CDYL2: variants seen among roughly 807,000 people sequenced by gnomAD.
CDYL2 encodes the protein chromodomain Y-like protein 2.
Under a neutral mutation model 49.4 loss-of-function variants are expected in CDYL2, and 23 were observed. That is an observed-to-expected ratio of 0.47 (90% CI 0.34 to 0.66). CDYL2 has a LOEUF of 0.66. Among genes scored for constraint, CDYL2 ranks in the 30% least tolerant of loss-of-function variants. CDYL2 has a pLI of 0.01. For missense variants in CDYL2, 678 were observed against 656.4 expected, an observed-to-expected ratio of 1.03 and a Z score of -0.36; for synonymous variants, 360 against 268.8, an observed-to-expected ratio of 1.34 and a Z score of -3.32.
intron 2 of CDYL2, among the ~76,000 whole-genome samples, chr16:80,675,243 A>T (rs1250445121): frequency 6.6e-6 from 1 of 152,186 alleles, no homozygotes; most frequent in African/African-American, 2.4e-5. Context: ...CAACAGCTTC[A>T]GCATCCCCAG....
At chr16:80,664,845 T>C (rs1298594940) in intron 2 of CDYL2, among the ~76,000 whole-genome samples, 1 of 152,158 alleles carries the variant, frequency 6.6e-6, no homozygotes, top group Non-Finnish European at 1.5e-5. Context: ...GGAAGGGTAA[T>C]GACCCTCCCT....
intron 3 of CDYL2, among the ~76,000 whole-genome samples, chr16:80,626,737 A>G (rs1907321635): frequency 6.6e-6 from 1 of 152,234 alleles, no homozygotes; most frequent in Admixed American, 6.5e-5. Flanking sequence ...CTCCACAGGC[A>G]TCATCACGGT....
intron 1 of CDYL2, among the ~76,000 whole-genome samples, chr16:80,699,267 C>T (rs1329517890): frequency 6.6e-6 from 1 of 152,118 alleles, no homozygotes; most frequent in Non-Finnish European, 1.5e-5. Flanking sequence ...AAGTGTCCAT[C>T]AACAGATGAA....
At chr16:80,741,815 A>C (rs1426344264) in intron 1 of CDYL2, among the ~76,000 whole-genome samples, 3 of 152,222 alleles carry the variant, frequency 2.0e-5, no homozygotes, top group Non-Finnish European at 2.9e-5. Context: ...GGGCATTCTC[A>C]TACGGGGGAG....
intron 1 of CDYL2, among the ~76,000 whole-genome samples, chr16:80,723,067 C>T (rs1344339549): frequency 1.3e-5 from 2 of 152,230 alleles, no homozygotes; most frequent in East Asian, 3.9e-4. Flanking sequence ...CGGCAGGGCG[C>T]TTTCTACAGT....
intron 2 of CDYL2, among the ~76,000 whole-genome samples, chr16:80,674,679 T>C (rs914068476): frequency 3.9e-5 from 6 of 152,234 alleles, no homozygotes; most frequent in Admixed American, 1.3e-4. Flanking sequence ...GATTCACCTA[T>C]TCTGGACATT....
At chr16:80,682,913 C>T (rs766059426) in intron 2 of CDYL2, among the ~76,000 whole-genome samples, 1 of 152,140 alleles carries the variant, frequency 6.6e-6, no homozygotes, top group Non-Finnish European at 1.5e-5. Flanking sequence ...GAGACGGAAA[C>T]GTGAGTCAGT....
At position 80,604,471 on chromosome 16, in the gene CDYL2, G is replaced by A; in HGVS notation, c.1438C>T (p.Leu480Phe). 1 of 1,614,162 alleles carries A rather than the reference G, an allele frequency of 6.2e-7. No homozygotes were observed. The highest frequency in any genetic ancestry group is 8.5e-7 in the Non-Finnish European group (1 of 1,180,026). Residue 480 changes from leucine to phenylalanine, a missense_variant, in exon 7 of 7, where the codon CTC (leucine) becomes TTC (phenylalanine). Transcript: ENST00000570137. ...GAGCTCCAGAGCTGCTTGAGCATGA[G>A]GCATTCCTTCTCGTTCACGTCTTCC... ...VLEDVNEKEC[L>F]MLKQLWSSSK...
At chr16:80,665,361 C>A (rs1458647186) in intron 2 of CDYL2, among the ~76,000 whole-genome samples, 3 of 152,054 alleles carry the variant, frequency 2.0e-5, no homozygotes, top group Admixed American at 2.0e-4. Flanking sequence ...GTTCTTCCCA[C>A]AGGAATATGA....
At chr16:80,759,118 A>ATATATATATGGTT (rs1555535878) in intron 1 of CDYL2, among the ~76,000 whole-genome samples, 5 of 118,464 alleles carry the variant, frequency 4.2e-5, no homozygotes, top group South Asian at 5.2e-4. Context: ...ATATATATAT[A>ATATATATATGGTT]TATATATATA....
intron 1 of CDYL2, among the ~76,000 whole-genome samples, chr16:80,755,105 A>G (rs950090468): frequency 6.6e-6 from 1 of 152,154 alleles, no homozygotes; most frequent in Non-Finnish European, 1.5e-5. Context: ...CCCCTCTCAC[A>G]GCCTTGGTTT....
Position 80,674,359 on chromosome 16 carries a change from A to G in CDYL2, c.616+10179T>C, listed in dbSNP as rs147127593. 5.3e-5 allele frequency among the ~76,000 whole-genome samples: 8 copies of G among 152,332 alleles called. No individual in the cohort carries two copies. In the East Asian group the frequency reaches 1.5e-3, roughly 29 times the overall value. On this transcript the variant is annotated intron_variant, in intron 2 of 6. Transcript: ENST00000570137. ...GAGAGCATTTAGAAGGCTCCCTTGC[A>G]CATGGCAAGCAGTAGGGAAACGGTA... is the stretch of plus-strand genomic sequence containing the variant.
intron 1 of CDYL2, among the ~76,000 whole-genome samples, chr16:80,711,909 T>C (rs1018421911): frequency 2.0e-5 from 3 of 151,818 alleles, no homozygotes; most frequent in Non-Finnish European, 4.4e-5. Flanking sequence ...CCCTGAATTA[T>C]CCATTATCCA....
intron 1 of CDYL2, among the ~76,000 whole-genome samples, chr16:80,739,446 A>G (rs1905655986): frequency 1.3e-5 from 2 of 152,224 alleles, no homozygotes; most frequent in Admixed American, 6.5e-5. Flanking sequence ...AAAAAAGAAT[A>G]GAATGGGGAG....
intron 1 of CDYL2, among the ~76,000 whole-genome samples, chr16:80,766,653 T>C (rs541489631): frequency 6.6e-6 from 1 of 152,228 alleles, no homozygotes; most frequent in African/African-American, 2.4e-5. Context: ...GGTGCAGAAA[T>C]TGTCTGAGAT....
intron 1 of CDYL2, among the ~76,000 whole-genome samples, chr16:80,690,635 C>A (rs1910378555): frequency 6.6e-6 from 1 of 152,156 alleles, no homozygotes; most frequent in African/African-American, 2.4e-5. Flanking sequence ...ATTATATACA[C>A]CTCTCATCGT....
intron 1 of CDYL2, among the ~76,000 whole-genome samples, chr16:80,756,225 T>C (rs60719474): frequency 1.3e-5 from 2 of 152,064 alleles, no homozygotes; most frequent in Non-Finnish European, 2.9e-5. Flanking sequence ...TAATTAAAAG[T>C]GGAAATTTAT....
chr16:80,650,779 T>C (rs1908548918), intron 2 of CDYL2, among the ~76,000 whole-genome samples: 1 of 152,152 alleles, frequency 6.6e-6, no homozygotes, highest in African/African-American at 2.4e-5. Context: ...AATGGAGTAC[T>C]ACTCAGCCAT....
intron 2 of CDYL2, among the ~76,000 whole-genome samples, chr16:80,645,752 T>C (rs1237420733): frequency 1.3e-5 from 2 of 151,778 alleles, no homozygotes; most frequent in African/African-American, 2.4e-5. Context: ...CCATCAATGA[T>C]AGACTGGATT....
Sources: allele counts gnomAD v4.1 joint callset (sites outside exome capture counted in the v4.1 genomes callset), GRCh38; gene constraint gnomAD v4.1.1; transcripts MANE v1.5; gene names NCBI Gene and HGNC (gene_info 2026-07-23, HGNC 2026-07-21).